Variants in ASXL3 observed in about 807,000 individuals in gnomAD.
The protein encoded by ASXL3 is putative Polycomb group protein ASXL3.
ASXL3 carries 34 observed loss-of-function variants against 170.6 expected under a neutral mutation model. That is an observed-to-expected ratio of 0.20 (90% confidence interval 0.15 to 0.27). The LOEUF is 0.27. Among genes scored for constraint, ASXL3 ranks in the 10% least tolerant of loss-of-function variants. The pLI is 1.00. For missense variants in ASXL3, 2,592 were observed against 2,695.3 expected (o/e 0.96, Z 0.85); for synonymous variants, 1,002 against 989.1 (o/e 1.01, Z -0.24).
At chr18:33,623,474 G>A (rs2065549728) in intron 2 of ASXL3, among the ~76,000 whole-genome samples, 1 of 151,556 alleles carries the variant, frequency 6.6e-6, no homozygotes, top group Non-Finnish European at 1.5e-5. Flanking sequence ...CAGTAAAACA[G>A]GGGAAATCAT....
intron 1 of ASXL3, among the ~76,000 whole-genome samples, chr18:33,593,258 C>CTTTTT (rs34699815): frequency 1.0e-4 from 9 of 87,924 alleles, no homozygotes; most frequent in African/African-American, 1.8e-4. Context: ...CTATGCCCAC[C>CTTTTT]TTTTTTTTTT....
At chr18:33,686,803 G>C (rs571100789) in intron 8 of ASXL3, among the ~76,000 whole-genome samples, 2 of 152,296 alleles carry the variant, frequency 1.3e-5, no homozygotes, top group East Asian at 1.9e-4. Context: ...GCAAGAAATA[G>C]TTTAAACACA....
At chr18:33,586,479 GTCTC>G (rs1216062669) in intron 1 of ASXL3, among the ~76,000 whole-genome samples, 20 of 150,788 alleles carry the variant, frequency 1.3e-4, no homozygotes, top group African/African-American at 4.9e-4. Context: ...TTCATTTCTT[GTCTC>G]TCTCATTTGT....
intron 8 of ASXL3, among the ~76,000 whole-genome samples, chr18:33,725,234 C>A (rs1692508820): frequency 6.6e-6 from 1 of 152,020 alleles, no homozygotes; most frequent in South Asian, 2.1e-4. Context: ...TCTGGGTTGT[C>A]TTTGCTCTAA....
chr18:33,596,135 A>G (rs1240045142), intron 1 of ASXL3, among the ~76,000 whole-genome samples: 1 of 152,178 alleles, frequency 6.6e-6, no homozygotes, highest in African/African-American at 2.4e-5. Context: ...GAATTATAAA[A>G]CCACCACTAG....
chr18:33,637,278 G>A (rs1182595351), intron 2 of ASXL3, among the ~76,000 whole-genome samples: 1 of 152,048 alleles, frequency 6.6e-6, no homozygotes, highest in African/African-American at 2.4e-5. Flanking sequence ...GATAGGCGTT[G>A]TTGCTAAATG....
chr18:33,674,857 A>T (rs2066400479), intron 7 of ASXL3, among the ~76,000 whole-genome samples: 1 of 152,100 alleles, frequency 6.6e-6, no homozygotes, highest in Non-Finnish European at 1.5e-5. Flanking sequence ...TGACCTCATG[A>T]TCCACCTGCC....
intron 8 of ASXL3, among the ~76,000 whole-genome samples, chr18:33,713,348 C>CCT (rs374606408): frequency 0.079 from 11,377 of 143,842 alleles, 933 homozygotes; most frequent in African/African-American, 0.082. Context: ...TCCACCCCCC[C>CCT]CCGGGTTCAA....
At chr18:33,638,105 CATATATGT>C (rs1270258462) in intron 2 of ASXL3, among the ~76,000 whole-genome samples, 4 of 150,666 alleles carry the variant, frequency 2.7e-5, no homozygotes, top group Admixed American at 2.0e-4. Context: ...TTCTCTACCA[CATATATGT>C]ATATATGTGC....
intron 4 of ASXL3, among the ~76,000 whole-genome samples, chr18:33,650,747 A>C (rs1395718016): frequency 6.6e-6 from 1 of 152,154 alleles, no homozygotes; most frequent in Non-Finnish European, 1.5e-5. Flanking sequence ...TCTCCTTTGA[A>C]GTTGCATTCG....
intron 4 of ASXL3, among the ~76,000 whole-genome samples, chr18:33,651,906 C>T (rs2066004864): frequency 6.6e-6 from 1 of 151,892 alleles, no homozygotes; most frequent in South Asian, 2.1e-4. Flanking sequence ...AAAAATTTTA[C>T]AATGTAGGAA....
chr18:33,744,477 G>A lies in ASXL3; in HGVS notation c.4629G>A (p.Ser1543=), dbSNP rs746363752. The change falls in exon 12 of 12, where the codon TCG becomes TCA. Residue 1543 remains serine, a synonymous_variant. Coordinates refer to ENST00000269197, the MANE Select transcript of ASXL3 (RefSeq NM_030632.3). ...ACAGTTCCACTTTCATTGCTGCTTC[G>A]GCAGCAAAACAAGACAGTAAAACAT... ...IDHSSTFIAA[S]AAKQDSKTLP... The A allele has an allele frequency of 3.1e-5, 50 of 1,612,822 alleles. No homozygotes were observed. The highest frequency in any genetic ancestry group is 3.3e-4 in the Middle Eastern group (2 of 6,084).
chr18:33,610,309 G>A (rs1407275722), intron 2 of ASXL3, among the ~76,000 whole-genome samples: 1 of 151,960 alleles, frequency 6.6e-6, no homozygotes, highest in African/African-American at 2.4e-5. Context: ...AATGCACATT[G>A]GTAATATGCC....
chr18:33,635,689 T>C (rs1199453916), intron 2 of ASXL3, among the ~76,000 whole-genome samples: 7 of 152,178 alleles, frequency 4.6e-5, no homozygotes, highest in Admixed American at 4.6e-4. Flanking sequence ...AATCACATTG[T>C]TATGAAAGGG....
intron 1 of ASXL3, among the ~76,000 whole-genome samples, chr18:33,594,395 GT>G (rs2065106484): frequency 1.3e-5 from 2 of 152,138 alleles, no homozygotes; most frequent in South Asian, 4.1e-4. Flanking sequence ...TCCCAACCTG[GT>G]TGTAAGCAGA....
At chr18:33,625,548 CA>C (rs1289977572) in intron 2 of ASXL3, among the ~76,000 whole-genome samples, 16 of 152,112 alleles carry the variant, frequency 1.1e-4, no homozygotes, top group Non-Finnish European at 1.9e-4. Context: ...TAGTGAGAGA[CA>C]TGTTATTCTT....
chr18:33,701,110 G>A (rs1452452240), intron 8 of ASXL3, among the ~76,000 whole-genome samples: 2 of 151,596 alleles, frequency 1.3e-5, no homozygotes, highest in East Asian at 1.9e-4. Flanking sequence ...TATGATTTGG[G>A]TTTTTCAGTC....
intron 8 of ASXL3, among the ~76,000 whole-genome samples, chr18:33,691,547 T>C (rs969966778): frequency 2.0e-5 from 3 of 152,172 alleles, no homozygotes; most frequent in Non-Finnish European, 2.9e-5. Context: ...AACCAAAACA[T>C]ATTTAATGCC....
At position 33,713,229 on chromosome 18, in the gene ASXL3, G is replaced by A. The variant is rs1419186568; in HGVS notation, c.880-18739G>A. 4.9e-5 allele frequency among the ~76,000 whole-genome samples: 4 copies of A among 81,760 alleles called. No homozygotes were observed. In the East Asian group the frequency reaches 2.6e-3, roughly 53 times the overall value. The allele number at this position is 81,760 out of a possible 152,430, so 53.6% of individuals were successfully genotyped here. On this transcript the variant is annotated intron_variant, in intron 8 of 11. Coordinates refer to ENST00000269197, the MANE Select transcript of ASXL3 (RefSeq NM_030632.3). Reference sequence around the variant, plus strand: ...GCAGTTAGCAATCTACCACAAGAAGGTTTTTTTTGTTTTGTTTTGTTTTTT... The same window carrying A: ...GCAGTTAGCAATCTACCACAAGAAGATTTTTTTTGTTTTGTTTTGTTTTTT...
Sources: allele counts gnomAD v4.1 joint callset (sites outside exome capture counted in the v4.1 genomes callset), GRCh38; gene constraint gnomAD v4.1.1; transcripts MANE v1.5; gene names NCBI Gene and HGNC (gene_info 2026-07-23, HGNC 2026-07-21).